The following MICU1 variants were observed in gnomAD, a reference collection of about 807,000 sequenced individuals.
MICU1 encodes the protein mitochondrial calcium uptake 1.
MICU1 carries 45 observed loss-of-function variants against 56.8 expected under a neutral mutation model. That is an observed-to-expected ratio of 0.79 (90% CI 0.62 to 1.02). The LOEUF (loss-of-function observed/expected upper bound fraction) is 1.02, where lower values mean the gene tolerates loss of function less well. Among genes scored for constraint, MICU1 ranks in the 50% least tolerant of loss-of-function variants. The probability of loss-of-function intolerance (pLI) is 0.00; values close to 1 mark genes in which losing one functional copy is unlikely to be tolerated. For synonymous variants in MICU1, 186 were observed against 195.1 expected, an observed-to-expected ratio of 0.95 and a Z score of 0.39; for missense variants, 504 against 587.1, an observed-to-expected ratio of 0.86 and a Z score of 1.46.
chr10:72,452,120 G>A (rs757593760), intron 8 of MICU1, among the ~76,000 whole-genome samples: 4 of 152,028 alleles, frequency 2.6e-5, no homozygotes, highest in African/African-American at 7.2e-5. Context: ...TGCCTACCTC[G>A]GCCTCCCAAA....
chr10:72,538,496 C>CA (rs1293404238), intron 4 of MICU1, among the ~76,000 whole-genome samples: 1 of 151,922 alleles, frequency 6.6e-6, no homozygotes, highest in East Asian at 1.9e-4. Flanking sequence ...TGTCTGTGAT[C>CA]AAAGTTAAGC....
Position 72,505,404 on chromosome 10 carries a change from G to A in MICU1, c.652+2751C>T, listed in dbSNP as rs568560559. Among the ~76,000 whole-genome samples the A allele has an allele frequency of 4.6e-5, 7 of 152,266 alleles. No homozygotes were observed. In the South Asian group the frequency reaches 6.2e-4, roughly 14 times the overall value. Reference sequence around the variant, plus strand: ...CAGCCACTGTGGAAACCAGTTTGACGATTTCTCTAAGAACTACAAACAGAA... The same window carrying A: ...CAGCCACTGTGGAAACCAGTTTGACAATTTCTCTAAGAACTACAAACAGAA... On this transcript the variant is annotated intron_variant, in intron 6 of 11. Coordinates refer to ENST00000361114, the MANE Select transcript of MICU1 (RefSeq NM_001195518.2).
At chr10:72,482,014 T>C (rs1003357108) in intron 6 of MICU1, among the ~76,000 whole-genome samples, 1 of 152,188 alleles carries the variant, frequency 6.6e-6, no homozygotes, top group African/African-American at 2.4e-5. Flanking sequence ...AACTCTACAC[T>C]GTTTCCTGAA....
intron 3 of MICU1, among the ~76,000 whole-genome samples, chr10:72,555,992 A>G (rs966096257): frequency 6.6e-6 from 1 of 152,240 alleles, no homozygotes; most frequent in African/African-American, 2.4e-5. Flanking sequence ...AAGTGACAGT[A>G]AATCCCTGTG....
At chr10:72,444,400 T>C (rs2132192153) in intron 8 of MICU1, among the ~76,000 whole-genome samples, 1 of 151,650 alleles carries the variant, frequency 6.6e-6, no homozygotes, top group African/African-American at 2.4e-5. Context: ...AAGAAAATAG[T>C]TTTCTCTTTC....
At chr10:72,553,670 AAAGTT>A (rs1423134141) in intron 3 of MICU1, among the ~76,000 whole-genome samples, 2 of 152,234 alleles carry the variant, frequency 1.3e-5, no homozygotes, top group Non-Finnish European at 2.9e-5. Context: ...TGTGAATAAA[AAAGTT>A]AAGTCAATCA....
intron 1 of MICU1, among the ~76,000 whole-genome samples, chr10:72,593,655 T>C (rs1377495873): frequency 6.6e-6 from 1 of 152,142 alleles, no homozygotes; most frequent in African/African-American, 2.4e-5. Flanking sequence ...TTAGAACTAA[T>C]AAATGAATTC....
chr10:72,428,445 T>C (rs1214710134), intron 8 of MICU1, among the ~76,000 whole-genome samples: 1 of 152,186 alleles, frequency 6.6e-6, no homozygotes, highest in Non-Finnish European at 1.5e-5. Flanking sequence ...CCAAGTGGGC[T>C]GGGATTATAG....
chr10:72,368,847 A>T (rs1862232993), intron 11 of MICU1, among the ~76,000 whole-genome samples: 1 of 152,182 alleles, frequency 6.6e-6, no homozygotes, highest in Admixed American at 6.5e-5. Flanking sequence ...AGGGGAGATG[A>T]GGGAGGCATT....
chr10:72,400,211 A>G (rs1347829734), intron 10 of MICU1, among the ~76,000 whole-genome samples: 1 of 152,178 alleles, frequency 6.6e-6, no homozygotes, highest in Non-Finnish European at 1.5e-5. Flanking sequence ...AAATCCCAGC[A>G]AAAGGCCTGA....
chr10:72,599,631 G>C (rs1841470537), intron 1 of MICU1, among the ~76,000 whole-genome samples: 1 of 152,148 alleles, frequency 6.6e-6, no homozygotes, highest in Non-Finnish European at 1.5e-5. Flanking sequence ...ATTTGTTAAA[G>C]AGAAACAGTA....
intron 5 of MICU1, among the ~76,000 whole-genome samples, chr10:72,515,699 A>C (rs1276958552): frequency 6.6e-6 from 1 of 152,206 alleles, no homozygotes; most frequent in Admixed American, 6.5e-5. Context: ...GAAAACAAAC[A>C]TATCTATGTC....
intron 1 of MICU1, among the ~76,000 whole-genome samples, chr10:72,605,740 A>G (rs896487178): frequency 2.0e-5 from 3 of 152,252 alleles, no homozygotes; most frequent in Non-Finnish European, 4.4e-5. Context: ...ACACAATTTT[A>G]TCTAAATGAC....
chr10:72,569,588 C>T (rs537325705), intron 1 of MICU1, among the ~76,000 whole-genome samples: 12 of 151,992 alleles, frequency 7.9e-5, no homozygotes, highest in African/African-American at 2.7e-4. Flanking sequence ...CAGAAAACTA[C>T]AAATAAAAAA....
At chr10:72,497,416 G>A (rs1002413675) in intron 6 of MICU1, among the ~76,000 whole-genome samples, 4 of 152,212 alleles carry the variant, frequency 2.6e-5, no homozygotes, top group South Asian at 4.2e-4. Context: ...ATGATAAGAC[G>A]TAAGCATAAT....
intron 1 of MICU1, among the ~76,000 whole-genome samples, chr10:72,612,283 CA>C (rs58578214): frequency 2.8e-4 from 41 of 147,590 alleles, no homozygotes; most frequent in Admixed American, 4.7e-4. Context: ...TTTTCTTAAC[CA>C]AAAAAAAAAA....
chr10:72,409,060 T>C (rs895618307), intron 9 of MICU1, among the ~76,000 whole-genome samples: 1 of 149,798 alleles, frequency 6.7e-6, no homozygotes, highest in African/African-American at 2.6e-5. Context: ...GGGAGGAAGA[T>C]TTGTCCTATT....
intron 5 of MICU1, among the ~76,000 whole-genome samples, chr10:72,521,579 G>A (rs1309969695): frequency 1.3e-5 from 2 of 151,944 alleles, no homozygotes; most frequent in African/African-American, 4.8e-5. Context: ...TGCACTTTAT[G>A]GATAAGAACA....
intron 3 of MICU1, among the ~76,000 whole-genome samples, chr10:72,553,589 C>CA (rs1215960981): frequency 6.6e-6 from 1 of 151,872 alleles, no homozygotes; most frequent in Non-Finnish European, 1.5e-5. Context: ...ACAACAACAA[C>CA]AAAAAAGAAA....
Sources: allele counts gnomAD v4.1 joint callset (sites outside exome capture counted in the v4.1 genomes callset), GRCh38; gene constraint gnomAD v4.1.1; transcripts MANE v1.5; gene names NCBI Gene and HGNC (gene_info 2026-07-23, HGNC 2026-07-21).